DISP1: variants seen among roughly 807,000 people sequenced by gnomAD.
DISP1 encodes dispatched RND transporter family member 1.
Under a neutral mutation model 37.3 loss-of-function variants are expected in DISP1, and 30 were observed. The ratio of observed to expected loss-of-function variants is 0.80; its 90% CI spans 0.60 to 1.09. The LOEUF is 1.09. Ranked by LOEUF, DISP1 falls within the 50% of genes least tolerant of loss-of-function variation. DISP1 has a pLI of 0.00. For synonymous variants in DISP1, 634 were observed against 690.2 expected (o/e 0.92, Z 1.28); for missense variants, 1,598 against 1,879.5 (o/e 0.85, Z 2.77).
At chr1:222,931,800 T>C (rs1673418666) in intron 2 of DISP1, among the ~76,000 whole-genome samples, 1 of 151,784 alleles carries the variant, frequency 6.6e-6, no homozygotes, top group African/African-American at 2.4e-5. Context: ...TTTTCTTGAG[T>C]GTTAAATAAA....
chr1:222,942,767 C>G (rs75109669), intron 2 of DISP1, 40 bp from the exon 3 acceptor site: 2 of 1,611,580 alleles, frequency 1.2e-6, no homozygotes, highest in African/African-American at 2.7e-5. Context: ...TATTTGCCTG[C>G]CTGACTGTAA....
At chr1:222,873,579 C>A (rs562831515) in intron 1 of DISP1, among the ~76,000 whole-genome samples, 58 of 152,024 alleles carry the variant, frequency 3.8e-4, no homozygotes, top group African/African-American at 1.3e-3. Flanking sequence ...CTGTTTTATC[C>A]GAGACTAGGA....
chr1:223,003,219 A>G lies in DISP1; in HGVS notation c.1822A>G (p.Met608Val), dbSNP rs781742238. The G allele has an allele frequency of 8.1e-6, 13 of 1,614,100 alleles. No individual in the cohort carries two copies. In the East Asian group the frequency reaches 2.7e-4, roughly 33 times the overall value. Reference protein sequence around the residue: ...SITLQHAALSMFVTSFTTAAA... With the variant: ...SITLQHAALSVFVTSFTTAAA... Reference sequence around the variant, plus strand: ...CACCTTGCAGCACGCTGCCCTCTCCATGTTCGTCACCAGTTTTACCACTGC... The same window carrying G: ...CACCTTGCAGCACGCTGCCCTCTCCGTGTTCGTCACCAGTTTTACCACTGC... The change falls in exon 9 of 9, where the codon ATG becomes GTG. Residue 608 changes from methionine to valine, a missense_variant. Physicochemically the swap from Met to Val is conservative, Grantham distance 21. Coordinates refer to ENST00000675850, the MANE Select transcript of DISP1 (RefSeq NM_001377229.1). The surrounding 1 kb of genome is among the most constrained non-coding windows in gnomAD (Gnocchi z 4.3).
chr1:222,974,709 C>T (rs1360363815), intron 3 of DISP1, among the ~76,000 whole-genome samples: 2 of 152,132 alleles, frequency 1.3e-5, no homozygotes, highest in Non-Finnish European at 2.9e-5. Context: ...AGACCATAAA[C>T]ATTGAGCTCT....
At chr1:222,873,936 G>A (rs1344740119) in intron 1 of DISP1, among the ~76,000 whole-genome samples, 5 of 152,154 alleles carry the variant, frequency 3.3e-5, no homozygotes, top group African/African-American at 1.2e-4. Context: ...CATGTTTAGT[G>A]CTTCCTTCAG....
chr1:222,945,640 A>T (rs1454598306), intron 3 of DISP1: 1 of 65,462 alleles, frequency 1.5e-5, no homozygotes, highest in East Asian at 7.7e-4. Context: ...GAATGGCATT[A>T]AAAAAACGAA....
In DISP1 at chr1:222,984,456, AGAGC is replaced by A. The variant is rs1443552194; in HGVS notation, c.539+1349_539+1352del. Among the ~76,000 whole-genome samples, 36 of 142,956 alleles carry A rather than the reference AGAGC, an allele frequency of 2.5e-4. 1 individual carries two copies. Among genetic ancestry groups the A allele is most frequent in the African/African-American group, 9.3e-4 (35 of 37,778 alleles). 93.8% of individuals were successfully genotyped at this position (142,956 alleles called of 152,430 possible). ...TATATAGAGAGAGAGAGAGAGAGAG[AGAGC>A]GTACTCATATATGTTATATATAACA... On this transcript the variant is annotated intron_variant, in intron 4 of 8. Coordinates refer to ENST00000675850, the MANE Select transcript of DISP1 (RefSeq NM_001377229.1).
intron 2 of DISP1, among the ~76,000 whole-genome samples, chr1:222,937,112 C>A (rs992479674): frequency 2.6e-4 from 36 of 139,214 alleles, no homozygotes; most frequent in African/African-American, 9.4e-4. Context: ...TATTTTGAGA[C>A]GGAGTCTTGC....
At chr1:222,904,560 T>A (rs976671241) in intron 1 of DISP1, among the ~76,000 whole-genome samples, 15 of 149,624 alleles carry the variant, frequency 1.0e-4, no homozygotes, top group Non-Finnish European at 7.4e-5. Flanking sequence ...TCTTTTTTTT[T>A]ATTTTTTTAT....
chr1:222,853,179 A>T (rs1012368315), intron 1 of DISP1, among the ~76,000 whole-genome samples: 3 of 152,218 alleles, frequency 2.0e-5, no homozygotes, highest in Admixed American at 2.0e-4. Context: ...GCTGTTCAGA[A>T]AAGAACTACC....
chr1:223,005,298 A>G lies in DISP1; in HGVS notation c.3901A>G (p.Thr1301Ala), dbSNP rs764247196. 24 of 1,613,666 alleles carry G rather than the reference A, an allele frequency of 1.5e-5. 1 individual carries two copies. Among genetic ancestry groups the G allele is most frequent in the Middle Eastern group, 3.3e-4 (2 of 6,062 alleles). Reference sequence around the variant, plus strand: ...CTGCTTGTGCCACCAGTGCTCTCCTACCACTAGCAGCTTTGTCCAGATCCA... The same window carrying G: ...CTGCTTGTGCCACCAGTGCTCTCCTGCCACTAGCAGCTTTGTCCAGATCCA... ...GDCLCHQCSP[T>A]TSSFVQIQNG... The change falls in exon 9 of 9, where the codon ACC (threonine) becomes GCC (alanine). Residue 1301 changes from threonine to alanine, a missense_variant. Thr to Ala is a moderately conservative substitution (Grantham distance 58). Transcript: ENST00000675850.
At chr1:222,954,431 A>G (rs990835532) in intron 3 of DISP1, among the ~76,000 whole-genome samples, 4 of 152,234 alleles carry the variant, frequency 2.6e-5, no homozygotes, top group African/African-American at 9.6e-5. Context: ...AGTTCAATAA[A>G]TATTTGTTGA....
At chr1:223,002,147 T>A (rs146605638) in intron 8 of DISP1, among the ~76,000 whole-genome samples, 59 of 152,268 alleles carry the variant, frequency 3.9e-4, no homozygotes, top group African/African-American at 1.3e-3. Context: ...TTGCATGTCA[T>A]CCCCAAACAG....
Position 222,942,907 on chromosome 1 carries a change from C to T in DISP1, c.84C>T (p.Leu28=). ...CCAGTGCTGCTAACCCGAGTCCCCT[C>T]ACCCCCTGTGATGGAGACCATGCAG... ...IATSAANPSP[L]TPCDGDHAAQ... Residue 28 remains leucine (L), a synonymous_variant, in exon 3 of 9, where the codon CTC becomes CTT. Transcript: ENST00000675850. The T allele has an allele frequency of 6.2e-7, 1 of 1,614,168 alleles. No individual in the cohort carries two copies. The highest frequency in any genetic ancestry group is 8.5e-7 in the Non-Finnish European group (1 of 1,180,034).
At chr1:222,972,594 G>T (rs1348919970) in intron 3 of DISP1, among the ~76,000 whole-genome samples, 1 of 152,038 alleles carries the variant, frequency 6.6e-6, no homozygotes, top group Non-Finnish European at 1.5e-5. Context: ...TATAGGTATT[G>T]ACACAAGGTT....
In DISP1 at chr1:222,870,596, A is replaced by C. The variant is rs1162717733; in HGVS notation, c.-159+55518A>C. On this transcript the variant is annotated intron_variant, in intron 1 of 8. Coordinates refer to ENST00000675850, the MANE Select transcript of DISP1 (RefSeq NM_001377229.1). ...GGCTGCATAAATGTCTTCTTTTGAG[A>C]AGTGTCTGTTCATATCCTTTGCCCA... Among the ~76,000 whole-genome samples, 5 of 152,024 alleles carry C rather than the reference A, an allele frequency of 3.3e-5. No homozygotes were observed. The South Asian group carries it at 6.2e-4, about 19-fold the overall frequency.
chr1:222,922,157 G>GTT, intron 1 of DISP1, among the ~76,000 whole-genome samples: 1 of 152,302 alleles, frequency 6.6e-6, no homozygotes, highest in South Asian at 2.1e-4. Context: ...GGCAAGGGCA[G>GTT]TGAGTGGGAG....
chr1:222,927,109 A>AT (rs112368421), intron 1 of DISP1, among the ~76,000 whole-genome samples: 11,931 of 138,498 alleles, frequency 0.086, 494 homozygotes, highest in South Asian at 0.18. Context: ...TTACCAAGCT[A>AT]TTTTTTTTTT....
chr1:222,948,067 T>A (rs1674928247), intron 3 of DISP1, among the ~76,000 whole-genome samples: 1 of 152,176 alleles, frequency 6.6e-6, no homozygotes. Flanking sequence ...GTTGGGTAGA[T>A]GGTAATGCCA....
Sources: allele counts gnomAD v4.1 joint callset (sites outside exome capture counted in the v4.1 genomes callset), GRCh38; gene constraint gnomAD v4.1.1; non-coding constraint Gnocchi (gnomAD v3.1); transcripts MANE v1.5; gene names NCBI Gene and HGNC (gene_info 2026-07-23, HGNC 2026-07-21).